Variants in G2E3 observed in about 807,000 individuals in gnomAD.
The protein encoded by G2E3 is G2/M-phase specific E3 ubiquitin protein ligase.
A neutral mutation model predicts 92.8 loss-of-function variants in G2E3; 35 were observed. The observed-to-expected ratio is 0.38, with a 90% confidence interval of 0.29 to 0.50. G2E3 has a LOEUF of 0.50. Among genes scored for constraint, G2E3 ranks in the 20% least tolerant of loss-of-function variants. G2E3 has a pLI of 0.94. For synonymous variants in G2E3, 242 were observed against 272.4 expected, an observed-to-expected ratio of 0.89 and a Z score of 1.10; for missense variants, 554 against 823.8, an observed-to-expected ratio of 0.67 and a Z score of 4.01.
intron 2 of G2E3, among the ~76,000 whole-genome samples, chr14:30,584,237 A>G (rs965988530): frequency 6.6e-6 from 1 of 152,238 alleles, no homozygotes; most frequent in African/African-American, 2.4e-5. Context: ...ATAATATTCC[A>G]TCATATGGGC....
intron 1 of G2E3, among the ~76,000 whole-genome samples, chr14:30,567,062 C>G (rs1007132171): frequency 2.1e-4 from 32 of 152,192 alleles, no homozygotes; most frequent in African/African-American, 7.5e-4. Context: ...TTTTCTTTAT[C>G]AGAATCAGTT....
At chr14:30,577,445 T>A (rs1880180147) in intron 1 of G2E3, among the ~76,000 whole-genome samples, 1 of 152,198 alleles carries the variant, frequency 6.6e-6, no homozygotes, top group Admixed American at 6.5e-5. Context: ...TGGGAGCTGC[T>A]TAGCTGTGTG....
At chr14:30,573,301 CTTTT>C (rs1231753740) in intron 1 of G2E3, among the ~76,000 whole-genome samples, 2 of 152,068 alleles carry the variant, frequency 1.3e-5, no homozygotes, top group African/African-American at 4.8e-5. Context: ...AAGAGTATTT[CTTTT>C]TGTCTCCAAA....
intron 10 of G2E3, among the ~76,000 whole-genome samples, chr14:30,604,911 T>TTC (rs1566548564): frequency 6.7e-6 from 1 of 148,600 alleles, no homozygotes; most frequent in African/African-American, 2.5e-5. Flanking sequence ...TTCATTCATT[T>TTC]ATGAGACGGA....
intron 4 of G2E3, chr14:30,590,705 A>G (rs747823537): frequency 2.2e-6 from 1 of 455,952 alleles, no homozygotes; most frequent in South Asian, 1.5e-5. Context: ...CTAGGGCACA[A>G]GGAAGAACCG....
chr14:30,590,749 G>A (rs953102316), intron 4 of G2E3: 2 of 455,662 alleles, frequency 4.4e-6, no homozygotes, highest in African/African-American at 2.0e-5. Flanking sequence ...TAAGGACTAC[G>A]TGAGATGTTA....
At position 30,615,420 on chromosome 14, in the gene G2E3, T is replaced by C; in HGVS notation, c.1745T>C (p.Ile582Thr). Residue 582 changes from isoleucine to threonine, a missense_variant, in exon 14 of 15, where the codon ATC (isoleucine) becomes ACC (threonine). Ile to Thr is a moderately conservative substitution (Grantham distance 89). This residue lies in a region of G2E3 where 397 missense variants were observed against 560.3 expected (regional missense o/e 0.71). Coordinates refer to ENST00000206595, the MANE Select transcript of G2E3 (RefSeq NM_017769.5). ...IQAYPEAFCS[I>T]LCHKPESLSA... ...GCTTATCCAGAAGCATTTTGTAGCA[T>C]CCTGTGTCATAAACCTGAGAGTCTT... 2.5e-6 allele frequency: 4 copies of C among 1,611,168 alleles called. No individual in the cohort carries two copies. The highest frequency in any genetic ancestry group is 3.4e-6 in the Non-Finnish European group (4 of 1,177,590).
chr14:30,566,114 A>T (rs993297918), intron 1 of G2E3, among the ~76,000 whole-genome samples: 1 of 152,222 alleles, frequency 6.6e-6, no homozygotes, highest in South Asian at 2.1e-4. Context: ...TTTTCTATTG[A>T]TGTGTATGTC....
Position 30,567,498 on chromosome 14 carries a change from C to T in G2E3, c.-5+8226C>T, listed in dbSNP as rs1332576012. Among the ~76,000 whole-genome samples the T allele has an allele frequency of 3.3e-5, 5 of 151,820 alleles. No individual in the cohort carries two copies. In the East Asian group the frequency reaches 9.6e-4, roughly 29 times the overall value. On this transcript the variant is annotated intron_variant, in intron 1 of 14. Coordinates refer to ENST00000206595, the MANE Select transcript of G2E3 (RefSeq NM_017769.5). ...ATTTGTATTAGGTCTGTAGCAGTGT[C>T]CCACTTTCATTTCTTCTGATTTAGT...
At chr14:30,575,142 T>C (rs1369098029) in intron 1 of G2E3, among the ~76,000 whole-genome samples, 1 of 152,206 alleles carries the variant, frequency 6.6e-6, no homozygotes, top group African/African-American at 2.4e-5. Flanking sequence ...TGGTATCTCA[T>C]TGTAGTTTTG....
intron 1 of G2E3, among the ~76,000 whole-genome samples, chr14:30,561,103 G>A (rs1361117852): frequency 2.0e-5 from 3 of 152,194 alleles, no homozygotes; most frequent in Non-Finnish European, 4.4e-5. Flanking sequence ...TTAAAATAGT[G>A]TGTGCCACAT....
intron 6 of G2E3, among the ~76,000 whole-genome samples, chr14:30,596,504 A>G (rs1452397820): frequency 6.6e-6 from 1 of 152,046 alleles, no homozygotes; most frequent in Non-Finnish European, 1.5e-5. Flanking sequence ...TGCCGGGGAA[A>G]CTTCATATAT....
chr14:30,570,731 T>A (rs1359060801), intron 1 of G2E3, among the ~76,000 whole-genome samples: 1 of 152,172 alleles, frequency 6.6e-6, no homozygotes, highest in African/African-American at 2.4e-5. Flanking sequence ...TGTTGAGACA[T>A]TGTTGATTGT....
chr14:30,604,514 G>A (rs1257782791), intron 10 of G2E3, among the ~76,000 whole-genome samples: 6 of 152,220 alleles, frequency 3.9e-5, no homozygotes, highest in African/African-American at 7.2e-5. Context: ...GCTTCATGCC[G>A]ACAGGTTCTG....
At chr14:30,562,208 T>C (rs184969567) in intron 1 of G2E3, among the ~76,000 whole-genome samples, 3 of 152,170 alleles carry the variant, frequency 2.0e-5, no homozygotes, top group Non-Finnish European at 4.4e-5. Context: ...GGCAAGAGAC[T>C]GGGGGCACGA....
chr14:30,612,789 G>A (rs1158956512), intron 13 of G2E3, among the ~76,000 whole-genome samples: 4 of 152,058 alleles, frequency 2.6e-5, no homozygotes, highest in East Asian at 1.9e-4. Context: ...CCCAAGAGGC[G>A]GAGGTTGCAG....
chr14:30,611,651 C>T (rs1030299844), intron 12 of G2E3: 3 of 151,936 alleles, frequency 2.0e-5, no homozygotes, highest in African/African-American at 7.3e-5. Flanking sequence ...GGTAACTTTT[C>T]TCTTTTTTTT....
At chr14:30,592,828 G>A (rs1881086409) in intron 5 of G2E3, among the ~76,000 whole-genome samples, 2 of 152,026 alleles carry the variant, frequency 1.3e-5, no homozygotes, top group Admixed American at 6.5e-5. Context: ...TAAATCAAAG[G>A]CATGTAAATT....
intron 11 of G2E3, among the ~76,000 whole-genome samples, chr14:30,606,238 A>G (rs910067580): frequency 1.4e-5 from 2 of 147,174 alleles, no homozygotes; most frequent in Admixed American, 1.4e-4. Flanking sequence ...TGTTTGCAAT[A>G]TTTTTTTTTT....
Sources: allele counts gnomAD v4.1 joint callset (sites outside exome capture counted in the v4.1 genomes callset), GRCh38; gene constraint gnomAD v4.1.1; regional missense constraint gnomAD v4.1.1; transcripts MANE v1.5; gene names NCBI Gene and HGNC (gene_info 2026-07-23, HGNC 2026-07-21).